AUTS2: variants seen among roughly 807,000 people sequenced by gnomAD.
AUTS2 encodes the protein autism susceptibility gene 2 protein.
AUTS2 carries 17 observed loss-of-function variants against 112.4 expected under a neutral mutation model. That is an observed-to-expected ratio of 0.15 (90% CI 0.10 to 0.23). The LOEUF (loss-of-function observed/expected upper bound fraction) is 0.23. AUTS2 is among the 10% of genes least tolerant of loss of function. The pLI is 1.00. For synonymous variants in AUTS2, 751 were observed against 702.7 expected (o/e 1.07, Z -1.09); for missense variants, 1,510 against 1,701.6 (o/e 0.89, Z 1.98).
intron 4 of AUTS2, among the ~76,000 whole-genome samples, chr7:70,356,295 AAGTTGC>A (rs1792004958): frequency 6.6e-6 from 1 of 152,190 alleles, no homozygotes; most frequent in Non-Finnish European, 1.5e-5. Context: ...TTGGAGGATC[AAGTTGC>A]TTTATATCAA....
chr7:69,773,085 T>C (rs1209955260), intron 1 of AUTS2, among the ~76,000 whole-genome samples: 1 of 152,204 alleles, frequency 6.6e-6, no homozygotes, highest in Non-Finnish European at 1.5e-5. Flanking sequence ...ATTTATTTAT[T>C]TGAATTTTTT....
chr7:70,132,679 C>A (rs1461370839), intron 3 of AUTS2, among the ~76,000 whole-genome samples: 4 of 152,082 alleles, frequency 2.6e-5, no homozygotes, highest in African/African-American at 9.7e-5. Context: ...GAGTAATGTA[C>A]AATATATATG....
At position 70,118,197 on chromosome 7, in the gene AUTS2, C is replaced by T; in HGVS notation, c.588C>T (p.Gly196=). The T allele has an allele frequency of 6.2e-7, 1 of 1,606,412 alleles. No homozygotes were observed. Among genetic ancestry groups the T allele is most frequent in the Non-Finnish European group, 8.5e-7 (1 of 1,177,916 alleles). Residue 196 remains glycine, a synonymous_variant, in exon 3 of 19, where the codon GGC becomes GGT. Coordinates refer to ENST00000342771, the MANE Select transcript of AUTS2 (RefSeq NM_015570.4). The stretch of plus-strand genomic sequence containing the variant: ...AAAGTGCCAGTGGAGAATCCAAGGG[C>T]TTCCACCGGAGCAGCTCTCGGGAAA... ...DSESASGESK[G]FHRSSSRERL...
chr7:70,326,036 G>T (rs955887406), intron 4 of AUTS2, among the ~76,000 whole-genome samples: 1 of 152,132 alleles, frequency 6.6e-6, no homozygotes, highest in Non-Finnish European at 1.5e-5. Context: ...TTTTTGCCCT[G>T]CTGATGGGGA....
chr7:70,478,696 G>A (rs1440122444), intron 5 of AUTS2, among the ~76,000 whole-genome samples: 1 of 151,380 alleles, frequency 6.6e-6, no homozygotes, highest in African/African-American at 2.4e-5. Context: ...CTCCAGCATA[G>A]AGAAGGGCTC....
intron 4 of AUTS2, among the ~76,000 whole-genome samples, chr7:70,427,738 T>TA (rs2130777382): frequency 6.6e-6 from 1 of 152,314 alleles, no homozygotes; most frequent in South Asian, 2.1e-4. Flanking sequence ...AATGAGTGTG[T>TA]TATTATCTGA....
At chr7:70,721,374 C>G (rs1392613603) in intron 6 of AUTS2, among the ~76,000 whole-genome samples, 1 of 151,522 alleles carries the variant, frequency 6.6e-6, no homozygotes, top group African/African-American at 2.4e-5. Flanking sequence ...TCTCAGCTCA[C>G]TGCAACCTTT....
At chr7:69,626,285 C>CATAGTAATA (rs1793941577) in intron 1 of AUTS2, among the ~76,000 whole-genome samples, 1 of 152,140 alleles carries the variant, frequency 6.6e-6, no homozygotes, top group Admixed American at 6.5e-5. Flanking sequence ...TAACAACATA[C>CATAGTAATA]CAGCTGTTCA....
chr7:69,764,767 G>GTGT (rs1435229929), intron 1 of AUTS2, among the ~76,000 whole-genome samples: 3 of 152,214 alleles, frequency 2.0e-5, no homozygotes, highest in Non-Finnish European at 4.4e-5. Context: ...TGAGAAGCAT[G>GTGT]TGGTTGTGGG....
chr7:70,313,956 A>C (rs1180464492), intron 4 of AUTS2, among the ~76,000 whole-genome samples: 2 of 152,174 alleles, frequency 1.3e-5, no homozygotes, highest in Non-Finnish European at 2.9e-5. Context: ...AGCACTGGAG[A>C]CTGCACCTCT....
chr7:69,723,230 A>G (rs926541565), intron 1 of AUTS2, among the ~76,000 whole-genome samples: 3 of 152,036 alleles, frequency 2.0e-5, no homozygotes, highest in Admixed American at 6.6e-5. Context: ...TTGTGTATAT[A>G]TAGAGTGTTA....
chr7:69,967,149 T>C (rs1014262574), intron 2 of AUTS2, among the ~76,000 whole-genome samples: 2 of 152,206 alleles, frequency 1.3e-5, no homozygotes, highest in African/African-American at 4.8e-5. Flanking sequence ...TGATCTTGTT[T>C]TGGAGATCAT....
At chr7:69,724,322 C>T (rs1273696228) in intron 1 of AUTS2, among the ~76,000 whole-genome samples, 1 of 152,170 alleles carries the variant, frequency 6.6e-6, no homozygotes, top group Non-Finnish European at 1.5e-5. Context: ...GAGCAACCTG[C>T]TATAGACCTT....
chr7:69,812,528 T>C (rs1790586646), intron 1 of AUTS2, among the ~76,000 whole-genome samples: 1 of 152,212 alleles, frequency 6.6e-6, no homozygotes, highest in African/African-American at 2.4e-5. Flanking sequence ...AATTTATTGC[T>C]CTGCCACACT....
At chr7:70,619,132 C>G (rs759201355) in intron 5 of AUTS2, among the ~76,000 whole-genome samples, 1 of 152,168 alleles carries the variant, frequency 6.6e-6, no homozygotes, top group Non-Finnish European at 1.5e-5. Context: ...AGACCTTCCC[C>G]CCCTCCCCAT....
chr7:70,717,218 T>A (rs58481081), intron 6 of AUTS2, among the ~76,000 whole-genome samples: 2,486 of 152,150 alleles, frequency 0.016, 67 homozygotes, highest in African/African-American at 0.056. Flanking sequence ...GCTAATTTTT[T>A]AATTTTCTAT....
In AUTS2 at chr7:69,984,637, G is replaced by A. The variant is rs887364178; in HGVS notation, c.522+85139G>A. Among the ~76,000 whole-genome samples, 35 of 152,034 alleles carry A rather than the reference G, an allele frequency of 2.3e-4. 1 individual carries two copies. The highest frequency in any genetic ancestry group is 7.4e-5 in the Non-Finnish European group (5 of 68,012). ...AATGAGGTCAGACACTTTCCCCCACGCTGAGAACAGTATCCACTGCCTCTG... is the reference window on the plus strand; with the variant it reads ...AATGAGGTCAGACACTTTCCCCCACACTGAGAACAGTATCCACTGCCTCTG... On this transcript the variant is annotated intron_variant, in intron 2 of 18. Coordinates refer to ENST00000342771, the MANE Select transcript of AUTS2 (RefSeq NM_015570.4).
chr7:70,039,603 C>A (rs1801158360), intron 2 of AUTS2, among the ~76,000 whole-genome samples: 1 of 152,118 alleles, frequency 6.6e-6, no homozygotes, highest in African/African-American at 2.4e-5. Context: ...CCTGCCTTGG[C>A]CTTCCAAATT....
chr7:70,077,416 T>A (rs1424659983), intron 2 of AUTS2, among the ~76,000 whole-genome samples: 1 of 152,210 alleles, frequency 6.6e-6, no homozygotes, highest in Non-Finnish European at 1.5e-5. Context: ...CTTTACACAG[T>A]GTTCCATATA....
Sources: gnomAD v4.1 joint callset for allele counts (sites outside exome capture counted in the v4.1 genomes callset) on GRCh38, gnomAD v4.1.1 for gene constraint, MANE v1.5 for transcripts, NCBI Gene and HGNC (gene_info 2026-07-23, HGNC 2026-07-21) for gene names.